Variants in GALNT17 observed in about 807,000 individuals in gnomAD.
GALNT17 encodes the protein polypeptide N-acetylgalactosaminyltransferase 17, also known as UDP-GalNAc:polypeptide N-acetylgalactosaminyltransferase-like 3.
Under a neutral mutation model 63.7 loss-of-function variants are expected in GALNT17, and 29 were observed. That is an observed-to-expected ratio of 0.46 (90% CI 0.34 to 0.62). The LOEUF is 0.62. GALNT17 is among the 20% of genes least tolerant of loss of function. GALNT17 has a pLI of 0.01. For synonymous variants in GALNT17, 305 were observed against 318.3 expected (o/e 0.96, Z 0.45); for missense variants, 603 against 799.6 (o/e 0.75, Z 2.97).
intron 3 of GALNT17, among the ~76,000 whole-genome samples, chr7:71,410,739 C>A (rs972384840): frequency 1.3e-5 from 2 of 152,092 alleles, no homozygotes; most frequent in Non-Finnish European, 2.9e-5. Context: ...TTCTTTTTGC[C>A]AATTTATGCT....
chr7:71,261,003 C>G (rs750319019), intron 1 of GALNT17, among the ~76,000 whole-genome samples: 13 of 152,214 alleles, frequency 8.5e-5, no homozygotes, highest in Non-Finnish European at 1.6e-4. Flanking sequence ...GTCACACCGG[C>G]TCATCCTCCT....
chr7:71,427,590 C>T (rs899762018), intron 5 of GALNT17, among the ~76,000 whole-genome samples: 4 of 152,032 alleles, frequency 2.6e-5, no homozygotes. Flanking sequence ...TTCTTGTTTG[C>T]CCCATGTACT....
At chr7:71,136,028 C>T (rs2116143970) in intron 1 of GALNT17, among the ~76,000 whole-genome samples, 1 of 152,296 alleles carries the variant, frequency 6.6e-6, no homozygotes, top group Admixed American at 6.5e-5. Flanking sequence ...GACATGAAGC[C>T]TGCAGAAAAA....
chr7:71,607,021 T>C (rs1433782190), intron 6 of GALNT17, among the ~76,000 whole-genome samples: 8 of 152,016 alleles, frequency 5.3e-5, no homozygotes, highest in Admixed American at 5.3e-4. Flanking sequence ...AAAATACTAA[T>C]TGATACCAGG....
intron 9 of GALNT17, among the ~76,000 whole-genome samples, chr7:71,705,916 G>A (rs760847939): frequency 1.3e-5 from 2 of 152,158 alleles, no homozygotes; most frequent in African/African-American, 4.8e-5. Flanking sequence ...AAGAAGAGAC[G>A]CTCAAGGAAG....
At position 71,571,369 on chromosome 7, in the gene GALNT17, A is replaced by G. The variant is rs1246331266; in HGVS notation, c.1047A>G (p.Val349=). 1 of 1,614,016 alleles carries G rather than the reference A, an allele frequency of 6.2e-7. No individual in the cohort carries two copies. Among genetic ancestry groups the G allele is most frequent in the Admixed American group, 1.7e-5 (1 of 60,020 alleles). The part of the protein sequence containing the change: ...EIGLLDPGMD[V]YGGENIELGI... ...GTCTTCTGGATCCTGGCATGGATGT[A>G]TACGGAGGAGAAAATATTGAACTGG... Residue 349 remains valine, a synonymous_variant, in exon 6 of 11, where the codon GTA becomes GTG. Transcript: ENST00000333538.
intron 6 of GALNT17, among the ~76,000 whole-genome samples, chr7:71,573,618 GC>G (rs1789488042): frequency 6.6e-6 from 1 of 152,140 alleles, no homozygotes; most frequent in East Asian, 1.9e-4. Context: ...ACAGGCGTGA[GC>G]CACCACACCT....
rs113072556 is a variant in GALNT17, at chr7:71,457,268, G to A, written c.962+36163G>A. ...TGCAGGGGAGATATGCACCTCTTTT[G>A]TCTTTTAAGCTATCTTATTTAGGAA... On this transcript the variant is annotated intron_variant, in intron 5 of 10. Transcript: ENST00000333538. 5.5e-3 allele frequency among the ~76,000 whole-genome samples: 831 copies of A among 152,236 alleles called. 8 individuals are homozygous for A. The highest frequency in any genetic ancestry group is 0.019 in the African/African-American group (792 of 41,546).
intron 5 of GALNT17, among the ~76,000 whole-genome samples, chr7:71,527,613 G>A (rs1292546691): frequency 2.0e-5 from 3 of 152,088 alleles, no homozygotes; most frequent in African/African-American, 7.2e-5. Flanking sequence ...TTTCAGAGTT[G>A]GTTTGTTAAT....
intron 6 of GALNT17, among the ~76,000 whole-genome samples, chr7:71,584,304 T>C (rs1239843491): frequency 6.6e-6 from 1 of 152,242 alleles, no homozygotes; most frequent in African/African-American, 2.4e-5. Flanking sequence ...AGTCATTACA[T>C]TTTATGCTAA....
intron 5 of GALNT17, among the ~76,000 whole-genome samples, chr7:71,449,244 T>G (rs1413889428): frequency 1.3e-5 from 2 of 149,952 alleles, no homozygotes; most frequent in Admixed American, 1.3e-4. Flanking sequence ...TCCCGAGTAG[T>G]GGGATTATGG....
At chr7:71,428,207 C>A (rs1004509341) in intron 5 of GALNT17, among the ~76,000 whole-genome samples, 2 of 152,102 alleles carry the variant, frequency 1.3e-5, no homozygotes, top group African/African-American at 4.8e-5. Context: ...TTTTCTTATT[C>A]CCCCAAATAG....
At chr7:71,164,882 C>T (rs749892709) in intron 1 of GALNT17, among the ~76,000 whole-genome samples, 2 of 152,092 alleles carry the variant, frequency 1.3e-5, no homozygotes, top group Non-Finnish European at 2.9e-5. Context: ...TGTGGTGGCT[C>T]TTTGTGGATT....
intron 5 of GALNT17, among the ~76,000 whole-genome samples, chr7:71,436,643 C>T (rs1230368425): frequency 5.9e-5 from 9 of 151,424 alleles, no homozygotes; most frequent in African/African-American, 1.9e-4. Context: ...GGTGTGAACC[C>T]GGGAGGCAGA....
intron 9 of GALNT17, among the ~76,000 whole-genome samples, chr7:71,684,020 A>AC (rs1554324280): frequency 6.6e-6 from 1 of 150,630 alleles, no homozygotes; most frequent in Non-Finnish European, 1.5e-5. Flanking sequence ...AAAAAAAAAA[A>AC]AAAAAACAAA....
intron 5 of GALNT17, among the ~76,000 whole-genome samples, chr7:71,473,071 A>G (rs944865647): frequency 3.3e-5 from 5 of 152,208 alleles, no homozygotes; most frequent in Non-Finnish European, 7.3e-5. Context: ...GGATATCTTG[A>G]AGTGTGAGGG....
At chr7:71,586,216 A>G (rs2116908579) in intron 6 of GALNT17, among the ~76,000 whole-genome samples, 1 of 152,198 alleles carries the variant, frequency 6.6e-6, no homozygotes, top group Admixed American at 6.5e-5. Context: ...CCTGATTTTT[A>G]TCACCATAGA....
chr7:71,478,807 G>C (rs4077592), intron 5 of GALNT17, among the ~76,000 whole-genome samples: 110,416 of 152,078 alleles, frequency 0.73, 42,345 homozygotes, highest in Non-Finnish European at 0.87. Context: ...ATGACAAGAA[G>C]GAGAGACATT....
intron 2 of GALNT17, among the ~76,000 whole-genome samples, chr7:71,377,956 A>G (rs1039918706): frequency 2.6e-5 from 4 of 152,118 alleles, no homozygotes; most frequent in Non-Finnish European, 4.4e-5. Flanking sequence ...TCTTTCCTTT[A>G]TAAATTACCC....
Sources: allele counts gnomAD v4.1 joint callset (sites outside exome capture counted in the v4.1 genomes callset), GRCh38; gene constraint gnomAD v4.1.1; transcripts MANE v1.5; gene names NCBI Gene and HGNC (gene_info 2026-07-23, HGNC 2026-07-21).